The following NFAT5 variants were observed in gnomAD, a reference collection of about 807,000 sequenced individuals.
The protein encoded by NFAT5 is nuclear factor of activated T cells 5, also known as nuclear factor of activated T-cells 5.
Under a neutral mutation model 166.5 loss-of-function variants are expected in NFAT5, and 31 were observed. The ratio of observed to expected loss-of-function variants is 0.19; its 90% CI spans 0.14 to 0.25. NFAT5 has a LOEUF of 0.25. Ranked by LOEUF, NFAT5 falls within the 10% of genes least tolerant of loss-of-function variation. The probability of loss-of-function intolerance (pLI) is 1.00; values close to 1 mark genes in which losing one functional copy is unlikely to be tolerated. For synonymous variants in NFAT5, 612 were observed against 639.7 expected (o/e 0.96, Z 0.65); for missense variants, 1,449 against 1,821.8 (o/e 0.80, Z 3.72).
chr16:69,659,718 C>T lies in NFAT5; in HGVS notation c.1197-9C>T, dbSNP rs1466704644. ...AAATGTCCCTTTATATATTTTTTTT[C>T]TGTATTAGGGTGGACTGCGTAGGGA... On this transcript the variant is annotated splice_polypyrimidine_tract_variant and intron_variant, in intron 6 of 14. Transcript: ENST00000349945. The T allele has an allele frequency of 3.0e-5, 46 of 1,509,414 alleles. No individual in the cohort carries two copies. Among genetic ancestry groups the T allele is most frequent in the Admixed American group, 1.7e-4 (8 of 47,130 alleles). 93.5% of individuals were successfully genotyped at this position (1,509,414 alleles called of 1,614,324 possible). A position where few individuals can be genotyped will look rare whatever the true frequency, so the allele number is the denominator to read the frequency against.
chr16:69,649,685 G>A (rs572256368), intron 4 of NFAT5: 7 of 439,478 alleles, frequency 1.6e-5, no homozygotes, highest in East Asian at 1.6e-4. Context: ...TAGAAAAATC[G>A]GCCTTAAAAA....
intron 9 of NFAT5, among the ~76,000 whole-genome samples, chr16:69,674,085 A>C (rs2036733820): frequency 6.6e-6 from 1 of 151,924 alleles, no homozygotes; most frequent in Admixed American, 6.6e-5. Context: ...TCTACTAAAA[A>C]TACAAAAATT....
chr16:69,673,742 C>A (rs16959035), intron 9 of NFAT5, among the ~76,000 whole-genome samples: 39,181 of 151,612 alleles, frequency 0.26, 5,514 homozygotes, highest in East Asian at 0.45. Flanking sequence ...AAAGACAACA[C>A]ACTTTGGATG....
chr16:69,608,284 C>A (rs918422781), intron 2 of NFAT5, among the ~76,000 whole-genome samples: 5 of 152,046 alleles, frequency 3.3e-5, no homozygotes, highest in African/African-American at 1.2e-4. Flanking sequence ...TTGAGTAGTT[C>A]CCCACATGCA....
chr16:69,654,516 T>C (rs2035802890), intron 5 of NFAT5, among the ~76,000 whole-genome samples: 2 of 152,252 alleles, frequency 1.3e-5, no homozygotes, highest in African/African-American at 4.8e-5. Context: ...ATCTATGTTA[T>C]GCTTTGTGTA....
chr16:69,568,896 C>A (rs755719238), intron 2 of NFAT5, among the ~76,000 whole-genome samples: 2 of 152,058 alleles, frequency 1.3e-5, no homozygotes, highest in African/African-American at 4.8e-5. Context: ...AAGAGTGACA[C>A]CAAACACATA....
At chr16:69,572,499 A>C (rs1024577904) in intron 2 of NFAT5, among the ~76,000 whole-genome samples, 16 of 152,222 alleles carry the variant, frequency 1.1e-4, no homozygotes, top group African/African-American at 3.6e-4. Flanking sequence ...GAAGGCTAGG[A>C]TTCCTTTTTG....
intron 11 of NFAT5, among the ~76,000 whole-genome samples, chr16:69,690,166 T>A (rs1038990437): frequency 6.6e-5 from 10 of 152,162 alleles, no homozygotes; most frequent in Non-Finnish European, 1.2e-4. Context: ...AAGGTAGATA[T>A]AGTGAAGTGG....
At chr16:69,589,537 C>T (rs2032328889) in intron 2 of NFAT5, among the ~76,000 whole-genome samples, 1 of 151,414 alleles carries the variant, frequency 6.6e-6, no homozygotes, top group Admixed American at 6.6e-5. Flanking sequence ...AATAAGAGGG[C>T]AAAAAAAATT....
chr16:69,694,797 C>A (rs542570247), intron 13 of NFAT5, among the ~76,000 whole-genome samples: 6 of 152,278 alleles, frequency 3.9e-5, no homozygotes, highest in Admixed American at 1.3e-4. Flanking sequence ...TAATACCTTA[C>A]CCAGTTGAAG....
chr16:69,606,894 T>C (rs1354841140), intron 2 of NFAT5, among the ~76,000 whole-genome samples: 5 of 152,138 alleles, frequency 3.3e-5, no homozygotes, highest in Admixed American at 3.3e-4. Context: ...TATTGTGAAG[T>C]GAAATCAGAG....
In NFAT5 at chr16:69,698,859, C is replaced by T. The variant is rs1191882628; in HGVS notation, c.*2508C>T. The T allele has an allele frequency of 6.6e-6, 1 of 152,572 alleles. No individual in the cohort carries two copies. Among genetic ancestry groups the T allele is most frequent in the Non-Finnish European group, 1.5e-5 (1 of 68,028 alleles). The allele number at this position is 152,572 out of a possible 1,614,324, so 9.5% of individuals were successfully genotyped here. The stretch of plus-strand genomic sequence containing the variant: ...GTAATTTTAATAACATTTTTCCCAT[C>T]TTGTAATATCCAGAGCTACTTTATA... On this transcript the variant is annotated 3_prime_UTR_variant, in exon 15 of 15. Transcript: ENST00000349945.
intron 2 of NFAT5, among the ~76,000 whole-genome samples, chr16:69,585,975 G>A (rs762167145): frequency 1.3e-5 from 2 of 152,178 alleles, no homozygotes; most frequent in Non-Finnish European, 2.9e-5. Context: ...TAATGCCACT[G>A]AATTGTGCAC....
chr16:69,602,292 G>A (rs1174914903), intron 2 of NFAT5, among the ~76,000 whole-genome samples: 1 of 140,528 alleles, frequency 7.1e-6, no homozygotes, highest in Non-Finnish European at 1.5e-5. Flanking sequence ...TTTTTGAAAT[G>A]GAGTTTCACT....
At chr16:69,648,225 T>C (rs1392647974) in intron 4 of NFAT5, 1 of 983,522 alleles carries the variant, frequency 1.0e-6, no homozygotes. Context: ...AGCAATGTAA[T>C]GACTCCATCC....
chr16:69,657,282 C>T (rs1329097186), intron 6 of NFAT5, among the ~76,000 whole-genome samples: 1 of 151,676 alleles, frequency 6.6e-6, no homozygotes. Context: ...AGGCGCCCAC[C>T]ACCGTACCTG....
At chr16:69,687,436 GA>G (rs374420987) in intron 11 of NFAT5, among the ~76,000 whole-genome samples, 131 of 85,428 alleles carry the variant, frequency 1.5e-3, no homozygotes, top group Admixed American at 3.0e-3. Flanking sequence ...GCAAGACTCT[GA>G]AAAAAAAAAA....
At chr16:69,628,948 C>T (rs1485207573) in intron 3 of NFAT5, among the ~76,000 whole-genome samples, 2 of 152,136 alleles carry the variant, frequency 1.3e-5, no homozygotes, top group Non-Finnish European at 2.9e-5. Context: ...GTGGCGGGCG[C>T]CTGTAATCCC....
In NFAT5 at chr16:69,659,797, A is replaced by G. The variant is rs2036045029; in HGVS notation, c.1267A>G (p.Lys423Glu). 1.9e-6 allele frequency: 3 copies of G among 1,614,136 alleles called. No individual in the cohort carries two copies. Among genetic ancestry groups the G allele is most frequent in the Non-Finnish European group, 1.7e-6 (2 of 1,180,002 alleles). The part of the protein sequence containing the change: ...VEARIGIAGS[K>E]KKSTRARLVF... ...AGCCAGAATAGGAATTGCTGGTTCCAAGAAGAAAAGCACTCGTGCCAGATT... is the reference window on the plus strand; with the variant it reads ...AGCCAGAATAGGAATTGCTGGTTCCGAGAAGAAAAGCACTCGTGCCAGATT... The change falls in exon 7 of 15, where the codon AAG (lysine) becomes GAG (glutamate). Residue 423 changes from lysine to glutamate, a missense_variant. By Grantham distance (56) the Lys-to-Glu change is moderately conservative. This residue lies in a region of NFAT5 where 245 missense variants were observed against 366.6 expected (regional missense o/e 0.67). Coordinates refer to ENST00000349945, the MANE Select transcript of NFAT5 (RefSeq NM_138713.4).
Sources: gnomAD v4.1 joint callset for allele counts (sites outside exome capture counted in the v4.1 genomes callset) on GRCh38, gnomAD v4.1.1 for gene constraint, gnomAD v4.1.1 regional missense constraint, MANE v1.5 for transcripts, NCBI Gene and HGNC (gene_info 2026-07-23, HGNC 2026-07-21) for gene names.